Variants in SCARA5 observed in about 807,000 individuals in gnomAD.
The protein encoded by SCARA5 is scavenger receptor class A member 5, also known as scavenger receptor class A, member 5 (putative).
SCARA5 carries 45 observed loss-of-function variants against 46.3 expected under a neutral mutation model. The observed-to-expected ratio is 0.97, with a 90% CI of 0.76 to 1.24. The LOEUF is 1.24. SCARA5 is among the 50% of genes most tolerant of loss of function. The pLI, the probability that SCARA5 is intolerant of heterozygous loss-of-function variation, is 0.00. For synonymous variants in SCARA5, 333 were observed against 306.5 expected, an observed-to-expected ratio of 1.09 and a Z score of -0.90; for missense variants, 680 against 689.0, an observed-to-expected ratio of 0.99 and a Z score of 0.15.
In SCARA5 at chr8:27,872,033, C is replaced by T. The variant is rs1806647674; in HGVS notation, c.1389G>A (p.Lys463=). The stretch of plus-strand genomic sequence containing the variant: ...AGCGGAAGATGGTTTCCTCTGTGCC[C>T]TTGCAGGCAACGTCATCCATCCAGA... ...GRIWMDDVAC[K]GTEETIFRCS... The change falls in exon 9 of 9, where the codon AAG becomes AAA. Residue 463 remains lysine, a synonymous_variant. Transcript: ENST00000354914. 1 of 1,614,118 alleles carries T rather than the reference C, an allele frequency of 6.2e-7. No homozygotes were observed. The highest frequency in any genetic ancestry group is 1.3e-5 in the African/African-American group (1 of 74,922).
intron 3 of SCARA5, among the ~76,000 whole-genome samples, chr8:27,954,708 G>A (rs1808180947): frequency 6.6e-6 from 1 of 152,202 alleles, no homozygotes; most frequent in African/African-American, 2.4e-5. Flanking sequence ...ACAAATAGAA[G>A]AGGATTTCTG....
chr8:27,880,792 C>T lies in SCARA5; in HGVS notation c.1154-1026G>A, dbSNP rs181472164. Among the ~76,000 whole-genome samples the T allele has an allele frequency of 3.5e-3, 484 of 139,496 alleles. 1 individual carries two copies. Among genetic ancestry groups the T allele is most frequent in the African/African-American group, 0.012 (450 of 37,906 alleles). 91.5% of individuals were successfully genotyped at this position (139,496 alleles called of 152,430 possible). A position where few individuals can be genotyped will look rare whatever the true frequency, so the allele number is the denominator to read the frequency against. On this transcript the variant is annotated intron_variant, in intron 7 of 8. Coordinates refer to ENST00000354914, the MANE Select transcript of SCARA5 (RefSeq NM_173833.6). The stretch of plus-strand genomic sequence containing the variant: ...ATCACTTAAGCCTGGGAGGTTAAGG[C>T]TGCAGTGAGCCACGTTTGTGCCACT...
At chr8:27,979,462 A>G (rs2129969957) in intron 2 of SCARA5, among the ~76,000 whole-genome samples, 1 of 152,292 alleles carries the variant, frequency 6.6e-6, no homozygotes, top group African/African-American at 2.4e-5. Context: ...GAGGAGGGGA[A>G]GATGAGGATA....
chr8:27,930,574 G>T (rs1807754273), intron 3 of SCARA5, among the ~76,000 whole-genome samples: 1 of 152,056 alleles, frequency 6.6e-6, no homozygotes, highest in South Asian at 2.1e-4. Flanking sequence ...GGCTAATTTT[G>T]TATTTTTAGT....
intron 3 of SCARA5, among the ~76,000 whole-genome samples, chr8:27,947,196 G>A (rs1434046416): frequency 6.6e-6 from 1 of 152,118 alleles, no homozygotes; most frequent in Non-Finnish European, 1.5e-5. Context: ...ATTTTTAGTA[G>A]AGACAGGGTT....
intron 3 of SCARA5, among the ~76,000 whole-genome samples, 163 bp from the exon 4 acceptor site, chr8:27,922,408 T>C (rs762574547): frequency 6.6e-6 from 1 of 152,124 alleles, no homozygotes; most frequent in Non-Finnish European, 1.5e-5. Flanking sequence ...ATCCCAGGTA[T>C]TGTGCTAAAC....
chr8:27,904,978 G>GC (rs1425467042), intron 6 of SCARA5, 144 bp from the exon 7 acceptor site: 5 of 717,748 alleles, frequency 7.0e-6, no homozygotes, highest in East Asian at 5.4e-5. Context: ...CAGCAGGCAG[G>GC]AGAAGAGGGC....
rs1237981222 is a variant in SCARA5, at chr8:27,870,593, GCACT to G, written c.*1337_*1340del. ...GATTCCCCCAAGGTGAGGTGGGTCT[GCACT>G]CACTTGCTACCAGGTAGCTCCCCTA... On this transcript the variant is annotated 3_prime_UTR_variant, in exon 9 of 9. Coordinates refer to ENST00000354914, the MANE Select transcript of SCARA5 (RefSeq NM_173833.6). The G allele has an allele frequency of 1.3e-5, 2 of 152,134 alleles. No homozygotes were observed. Among genetic ancestry groups the G allele is most frequent in the Non-Finnish European group, 2.9e-5 (2 of 68,056 alleles). The allele number at this position is 152,134 out of a possible 1,614,324, so 9.4% of individuals were successfully genotyped here. A position where few individuals can be genotyped will look rare whatever the true frequency, so the allele number is the denominator to read the frequency against.
chr8:27,964,275 C>T lies in SCARA5; in HGVS notation c.241+2139G>A, dbSNP rs73669113. Among the ~76,000 whole-genome samples the T allele has an allele frequency of 6.4e-3, 973 of 152,210 alleles. 10 individuals are homozygous for T. The highest frequency in any genetic ancestry group is 0.022 in the African/African-American group (899 of 41,522). ...AGACAAGAATCTGGGGAGGTAAGAG[C>T]GGCCACACACCCAGGGCCAAGAGAT... is the stretch of plus-strand genomic sequence containing the variant. On this transcript the variant is annotated intron_variant, in intron 3 of 8. Coordinates refer to ENST00000354914, the MANE Select transcript of SCARA5 (RefSeq NM_173833.6).
rs1807595519 is a variant in SCARA5 at position 27,921,852 on chromosome 8, C to G, written c.635G>C (p.Arg212Thr). The change falls in exon 4 of 9, where the codon AGG (arginine) becomes ACG (threonine). Residue 212 changes from arginine to threonine, a missense_variant. Arg to Thr is a moderately conservative substitution (Grantham distance 71). Coordinates refer to ENST00000354914, the MANE Select transcript of SCARA5 (RefSeq NM_173833.6). Reference protein sequence around the residue: ...HAGLLDGLARRVGILGEELAD... With the variant: ...HAGLLDGLARTVGILGEELAD... ...CAGCTCCTCGCCCAGGATGCCCACC[C>G]TGCGCGCCAGCCCGTCCAGCAGGCC... is the stretch of plus-strand genomic sequence containing the variant. 2 of 1,528,502 alleles carry G rather than the reference C, an allele frequency of 1.3e-6. No individual in the cohort carries two copies. The highest frequency in any genetic ancestry group is 4.9e-5 in the East Asian group (2 of 40,806). The allele number at this position is 1,528,502 out of a possible 1,614,324, so 94.7% of individuals were successfully genotyped here.
chr8:27,984,742 T>G (rs1000058409), intron 2 of SCARA5, among the ~76,000 whole-genome samples: 2 of 152,002 alleles, frequency 1.3e-5, no homozygotes, highest in Non-Finnish European at 2.9e-5. Context: ...TCATTATTCA[T>G]CCATTTATTC....
In SCARA5 at chr8:27,953,110, G is replaced by A. The variant is rs1246650426; in HGVS notation, c.241+13304C>T. On this transcript the variant is annotated intron_variant, in intron 3 of 8. Transcript: ENST00000354914. ...ACGGAAAGCAGATGGCCCAAAGGCC[G>A]ACAACCGGGGCCAAAGGCTAAAAGG... Among the ~76,000 whole-genome samples, 3 of 152,226 alleles carry A rather than the reference G, an allele frequency of 2.0e-5. No homozygotes were observed. In the East Asian group the frequency reaches 5.8e-4, roughly 29 times the overall value.
intron 3 of SCARA5, among the ~76,000 whole-genome samples, chr8:27,959,953 C>T (rs867353566): frequency 6.6e-6 from 1 of 152,134 alleles, no homozygotes; most frequent in Non-Finnish European, 1.5e-5. Flanking sequence ...CTGAGCCCTG[C>T]GCTGTCACGG....
chr8:27,879,367 T>C (rs1461341576), intron 8 of SCARA5, among the ~76,000 whole-genome samples: 2 of 152,058 alleles, frequency 1.3e-5, no homozygotes, highest in African/African-American at 4.8e-5. Flanking sequence ...AAAGGAAGAA[T>C]GTTCTAATCA....
At chr8:27,913,753 C>T (rs560084756) in intron 4 of SCARA5, among the ~76,000 whole-genome samples, 1 of 152,318 alleles carries the variant, frequency 6.6e-6, no homozygotes, top group Admixed American at 6.5e-5. Flanking sequence ...CACGGGAAGG[C>T]CCCTCACTGC....
rs1351191019 is a variant in SCARA5, at chr8:27,922,143, G to A, written c.344C>T (p.Ala115Val). The A allele has an allele frequency of 6.2e-7, 1 of 1,606,930 alleles. No individual in the cohort carries two copies. The highest frequency in any genetic ancestry group is 1.1e-5 in the South Asian group (1 of 89,628). The change falls in exon 4 of 9, where the codon GCT becomes GTT. Residue 115 changes from alanine to valine, a missense_variant. By Grantham distance (64) the Ala-to-Val change is moderately conservative. Coordinates refer to ENST00000354914, the MANE Select transcript of SCARA5 (RefSeq NM_173833.6). ...FRDLQLRLLQ[A>V]PLQADLTEQV... ...CTCCGTCAGGTCCGCTTGCAGCGGAGCCTGCAGCAGCCGCAGCTGCAAGTC... is the reference window on the plus strand; with the variant it reads ...CTCCGTCAGGTCCGCTTGCAGCGGAACCTGCAGCAGCCGCAGCTGCAAGTC...
Position 27,921,776 on chromosome 8 carries a change from G to A in SCARA5, c.711C>T (p.Asp237=), listed in dbSNP as rs1276231283. The A allele has an allele frequency of 1.3e-6, 2 of 1,574,278 alleles. No individual in the cohort carries two copies. Among genetic ancestry groups the A allele is most frequent in the African/African-American group, 2.7e-5 (2 of 74,390 alleles). ...LRGLNHSLSY[D]VALHRTRLQD... Reference sequence around the variant, plus strand: ...GCAGCCGCGTGCGGTGGAGGGCCACGTCGTAGGACAGGCTGTGGTTGAGGC... The same window carrying A: ...GCAGCCGCGTGCGGTGGAGGGCCACATCGTAGGACAGGCTGTGGTTGAGGC... The change falls in exon 4 of 9, where the codon GAC becomes GAT. Residue 237 remains aspartate, a synonymous_variant. Coordinates refer to ENST00000354914, the MANE Select transcript of SCARA5 (RefSeq NM_173833.6).
chr8:27,966,270 C>T (rs1808365898), intron 3 of SCARA5, 144 bp downstream of exon 3: 1 of 834,390 alleles, frequency 1.2e-6, no homozygotes, highest in Middle Eastern at 3.7e-4. Context: ...AGCAATACTA[C>T]TGAAGAGCTT....
intron 7 of SCARA5, among the ~76,000 whole-genome samples, chr8:27,897,454 C>T (rs1807082546): frequency 6.6e-6 from 1 of 152,248 alleles, no homozygotes; most frequent in African/African-American, 2.4e-5. Context: ...GTTCAAAACC[C>T]ACATCAAAGA....
Sources: allele counts gnomAD v4.1 joint callset (sites outside exome capture counted in the v4.1 genomes callset), GRCh38; gene constraint gnomAD v4.1.1; transcripts MANE v1.5; gene names NCBI Gene and HGNC (gene_info 2026-07-23, HGNC 2026-07-21).